The following SHC4 variants were observed in gnomAD, a reference collection of about 807,000 sequenced individuals.
SHC4 encodes the protein SHC adaptor protein 4.
In SHC4, 41 loss-of-function variants were observed where a neutral mutation model predicts 69.4. That is an observed-to-expected ratio of 0.59 (90% CI 0.46 to 0.77). The LOEUF is 0.77. Ranked by LOEUF, SHC4 falls within the 30% of genes least tolerant of loss-of-function variation. The pLI, the probability that SHC4 is intolerant of heterozygous loss-of-function variation, is 0.00. For synonymous variants in SHC4, 318 were observed against 299.3 expected (o/e 1.06, Z -0.64); for missense variants, 777 against 783.8 (o/e 0.99, Z 0.10).
intron 3 of SHC4, among the ~76,000 whole-genome samples, chr15:48,885,222 G>C (rs1311675298): frequency 6.6e-6 from 1 of 152,132 alleles, no homozygotes; most frequent in African/African-American, 2.4e-5. Context: ...CCAACAGGGG[G>C]GCGAGAGGCT....
At position 48,905,464 on chromosome 15, in the gene SHC4, A is replaced by C. The variant is rs576165946; in HGVS notation, c.657-14653T>G. Among the ~76,000 whole-genome samples the C allele has an allele frequency of 8.7e-4, 133 of 152,350 alleles. 2 individuals are homozygous for C. In the Middle Eastern group the frequency reaches 0.02, roughly 23 times the overall value. Reference sequence around the variant, plus strand: ...TCTGTGCTTCCCAGAACAATGGTTCAAAAGGCCTATTCTTACTTGCATTGT... The same window carrying C: ...TCTGTGCTTCCCAGAACAATGGTTCCAAAGGCCTATTCTTACTTGCATTGT... On this transcript the variant is annotated intron_variant, in intron 2 of 11. Transcript: ENST00000332408.
intron 1 of SHC4, among the ~76,000 whole-genome samples, chr15:48,931,886 T>C (rs1335785425): frequency 6.6e-6 from 1 of 151,848 alleles, no homozygotes; most frequent in Non-Finnish European, 1.5e-5. Context: ...ATGTCTTGTG[T>C]TTCTGTTTGC....
At chr15:48,891,463 T>C (rs1900137038) in intron 2 of SHC4, among the ~76,000 whole-genome samples, 1 of 152,234 alleles carries the variant, frequency 6.6e-6, no homozygotes, top group Non-Finnish European at 1.5e-5. Flanking sequence ...AATAAGTAGT[T>C]GCTCCTTAAT....
At chr15:48,841,379 T>C (rs1382404653) in intron 10 of SHC4, among the ~76,000 whole-genome samples, 2 of 152,182 alleles carry the variant, frequency 1.3e-5, no homozygotes, top group Non-Finnish European at 2.9e-5. Flanking sequence ...TTGTTTCACA[T>C]CTCATCACCC....
intron 6 of SHC4, among the ~76,000 whole-genome samples, chr15:48,863,260 T>C (rs1027688438): frequency 2.6e-5 from 4 of 152,110 alleles, no homozygotes; most frequent in South Asian, 2.1e-4. Flanking sequence ...CAATAACCAC[T>C]AGGAACATTT....
chr15:48,909,895 G>C (rs1451094082), intron 2 of SHC4, among the ~76,000 whole-genome samples: 1 of 152,094 alleles, frequency 6.6e-6, no homozygotes, highest in Non-Finnish European at 1.5e-5. Context: ...CGCATCCCTG[G>C]TATGAAACCC....
At chr15:48,830,684 G>A (rs1307030891) in intron 11 of SHC4, among the ~76,000 whole-genome samples, 1 of 152,118 alleles carries the variant, frequency 6.6e-6, no homozygotes, top group Non-Finnish European at 1.5e-5. Flanking sequence ...TTCTTGAAAA[G>A]ACTAAAAACA....
At chr15:48,931,108 A>G (rs1434177906) in intron 1 of SHC4, among the ~76,000 whole-genome samples, 6 of 152,128 alleles carry the variant, frequency 3.9e-5, no homozygotes, top group Non-Finnish European at 5.9e-5. Flanking sequence ...ATTTTCTCCA[A>G]TTCCTCATCT....
At chr15:48,864,572 C>A (rs935319997) in intron 6 of SHC4, among the ~76,000 whole-genome samples, 13 of 150,436 alleles carry the variant, frequency 8.6e-5, no homozygotes, top group Admixed American at 1.3e-4. Context: ...CTCAGCCTCC[C>A]GAGTAGCTGG....
At chr15:48,841,739 G>C (rs907147041) in intron 10 of SHC4, among the ~76,000 whole-genome samples, 1 of 152,118 alleles carries the variant, frequency 6.6e-6, no homozygotes, top group African/African-American at 2.4e-5. Flanking sequence ...TCCTCTTACA[G>C]ACCCTGCCTG....
chr15:48,949,089 T>G (rs917100962), intron 1 of SHC4, among the ~76,000 whole-genome samples: 2 of 151,156 alleles, frequency 1.3e-5, no homozygotes, highest in Non-Finnish European at 1.5e-5. Context: ...TTAGGCAGGC[T>G]GGCCAGGCGC....
chr15:48,939,243 G>A (rs887160461), intron 1 of SHC4, among the ~76,000 whole-genome samples: 1 of 152,192 alleles, frequency 6.6e-6, no homozygotes, highest in Non-Finnish European at 1.5e-5. Context: ...TGGGATGCAA[G>A]GGGCTATGGG....
chr15:48,918,838 T>C (rs910255371), intron 2 of SHC4, among the ~76,000 whole-genome samples: 3 of 152,248 alleles, frequency 2.0e-5, no homozygotes, highest in Non-Finnish European at 2.9e-5. Flanking sequence ...GCTAATTCTT[T>C]AAAGTGAGAG....
chr15:48,878,476 G>A (rs1390967333), intron 4 of SHC4: 1 of 1,613,902 alleles, frequency 6.2e-7, no homozygotes, highest in Non-Finnish European at 8.5e-7. Flanking sequence ...ACGAGGGCGA[G>A]GAATTTGATG....
intron 8 of SHC4, 68 bp from the exon 9 acceptor site, chr15:48,851,316 T>A: frequency 3.4e-6 from 5 of 1,454,436 alleles, no homozygotes; most frequent in Non-Finnish European, 4.8e-6. Context: ...AAAGAAAAAA[T>A]TTATAATAAT....
chr15:48,840,382 G>C (rs984045150), intron 10 of SHC4, among the ~76,000 whole-genome samples: 14 of 152,248 alleles, frequency 9.2e-5, no homozygotes, highest in African/African-American at 3.4e-4. Context: ...TTTTTCTGTT[G>C]GTAGTGTGAC....
chr15:48,936,690 G>T (rs1215501924), intron 1 of SHC4, among the ~76,000 whole-genome samples: 6 of 152,166 alleles, frequency 3.9e-5, no homozygotes, highest in Non-Finnish European at 8.8e-5. Flanking sequence ...CCAGTCTTGG[G>T]TAGTTCTTTA....
rs1239562400 is a variant in SHC4, at chr15:48,855,980, G to A, written c.1215C>T (p.Pro405=). 7 of 1,613,540 alleles carry A rather than the reference G, an allele frequency of 4.3e-6. No homozygotes were observed. The Admixed American group carries it at 1.2e-4, about 27-fold the overall frequency. Residue 405 remains proline (P), a synonymous_variant, in exon 8 of 12, where the codon CCC becomes CCT. Coordinates refer to ENST00000332408, the MANE Select transcript of SHC4 (RefSeq NM_203349.4). The part of the protein sequence containing the change: ...VQATEQMAYC[P]IQCEKLCYLP... ...AATAGCACAACTTTTCACACTGTAT[G>A]GGGCAGTAAGCCATTTGTTCCGTGG...
At chr15:48,881,299 A>T (rs753108116) in intron 4 of SHC4, among the ~76,000 whole-genome samples, 11 of 149,730 alleles carry the variant, frequency 7.3e-5, no homozygotes, top group African/African-American at 2.0e-4. Context: ...TTTTATTATT[A>T]TTTTTTTAAA....
Sources: allele counts gnomAD v4.1 joint callset (sites outside exome capture counted in the v4.1 genomes callset), GRCh38; gene constraint gnomAD v4.1.1; transcripts MANE v1.5; gene names NCBI Gene and HGNC (gene_info 2026-07-23, HGNC 2026-07-21).